GPC5: variants seen among roughly 807,000 people sequenced by gnomAD.
GPC5 encodes the protein glypican-5.
GPC5 carries 47 observed loss-of-function variants against 53.9 expected under a neutral mutation model. The observed-to-expected ratio is 0.87, with a 90% confidence interval of 0.69 to 1.11. The LOEUF (loss-of-function observed/expected upper bound fraction) is 1.11. Among genes scored for constraint, GPC5 ranks in the 50% most tolerant of loss-of-function variants. The pLI, the probability that GPC5 is intolerant of heterozygous loss-of-function variation, is 0.00. For missense variants in GPC5, 748 were observed against 713.1 expected (o/e 1.05, Z -0.56); for synonymous variants, 286 against 263.3 (o/e 1.09, Z -0.84).
intron 7 of GPC5, among the ~76,000 whole-genome samples, chr13:92,684,295 G>A (rs1395240296): frequency 2.6e-5 from 4 of 151,426 alleles, no homozygotes; most frequent in Non-Finnish European, 5.9e-5. Context: ...TTTTGAGACG[G>A]AGTCTTGCTC....
chr13:92,443,065 G>A (rs1434602756), intron 7 of GPC5, among the ~76,000 whole-genome samples: 1 of 152,168 alleles, frequency 6.6e-6, no homozygotes, highest in East Asian at 1.9e-4. Context: ...AAGAAGCATG[G>A]CACCAGCATC....
intron 7 of GPC5, among the ~76,000 whole-genome samples, chr13:92,828,510 C>CT (rs559604285): frequency 1.1e-3 from 170 of 152,256 alleles, no homozygotes; most frequent in African/African-American, 3.9e-3. Flanking sequence ...ATATTTCGCA[C>CT]TTGTTCACTG....
chr13:92,352,824 T>G (rs912385273), intron 7 of GPC5, among the ~76,000 whole-genome samples: 4 of 152,308 alleles, frequency 2.6e-5, no homozygotes, highest in Admixed American at 2.0e-4. Context: ...ATTTATGCAC[T>G]TGAAAACCCA....
intron 2 of GPC5, among the ~76,000 whole-genome samples, chr13:91,644,403 A>T (rs1259063930): frequency 6.6e-6 from 1 of 152,220 alleles, no homozygotes; most frequent in African/African-American, 2.4e-5. Flanking sequence ...GTACAGCTTT[A>T]TGAAGAAACT....
intron 1 of GPC5, among the ~76,000 whole-genome samples, chr13:91,410,782 GTTCA>G (rs1268077497): frequency 6.6e-6 from 1 of 152,012 alleles, no homozygotes; most frequent in African/African-American, 2.4e-5. Context: ...ATTATTTGTA[GTTCA>G]TTCATATGGT....
chr13:91,533,400 G>C (rs181131085), intron 2 of GPC5, among the ~76,000 whole-genome samples: 21 of 152,036 alleles, frequency 1.4e-4, no homozygotes, highest in African/African-American at 5.1e-4. Flanking sequence ...GAATCACCTT[G>C]TATTAATATT....
At chr13:91,552,409 G>T (rs2030695077) in intron 2 of GPC5, among the ~76,000 whole-genome samples, 1 of 151,968 alleles carries the variant, frequency 6.6e-6, no homozygotes, top group African/African-American at 2.4e-5. Context: ...GGCGCTAGAG[G>T]AATTAAAGAC....
At chr13:92,440,534 C>T (rs1877505956) in intron 7 of GPC5, among the ~76,000 whole-genome samples, 1 of 152,130 alleles carries the variant, frequency 6.6e-6, no homozygotes, top group South Asian at 2.1e-4. Flanking sequence ...CCTGTCTTTG[C>T]TATTGTGAAC....
intron 4 of GPC5, among the ~76,000 whole-genome samples, chr13:91,736,469 A>G (rs569380375): frequency 4.0e-5 from 6 of 151,428 alleles, no homozygotes; most frequent in African/African-American, 1.2e-4. Context: ...CTGAATGTAG[A>G]TCTTTTTTTA....
intron 6 of GPC5, among the ~76,000 whole-genome samples, chr13:92,132,043 A>G (rs971240690): frequency 2.6e-5 from 4 of 152,152 alleles, no homozygotes; most frequent in African/African-American, 9.7e-5. Context: ...ATGTAAACAT[A>G]TTTTATTGGA....
chr13:92,563,126 C>G (rs1882749178), intron 7 of GPC5, among the ~76,000 whole-genome samples: 1 of 151,946 alleles, frequency 6.6e-6, no homozygotes, highest in Non-Finnish European at 1.5e-5. Flanking sequence ...AGCATATAGC[C>G]AGTAATAGTA....
chr13:91,416,386 G>A (rs74106728), intron 1 of GPC5, among the ~76,000 whole-genome samples: 8,498 of 152,160 alleles, frequency 0.056, 292 homozygotes, highest in African/African-American at 0.085. Flanking sequence ...CATGTTTCTT[G>A]AAGAGTCACA....
intron 7 of GPC5, among the ~76,000 whole-genome samples, chr13:92,426,309 C>G (rs926480731): frequency 6.6e-5 from 10 of 152,040 alleles, no homozygotes; most frequent in Non-Finnish European, 1.0e-4. Context: ...CTCATTCTTA[C>G]CCTTTCTACA....
At chr13:92,793,272 C>T (rs1384100632) in intron 7 of GPC5, among the ~76,000 whole-genome samples, 5 of 152,132 alleles carry the variant, frequency 3.3e-5, no homozygotes, top group African/African-American at 1.2e-4. Context: ...GAACCACCTG[C>T]TCCTGAATGA....
intron 7 of GPC5, among the ~76,000 whole-genome samples, chr13:92,245,036 TGA>T (rs2042640145): frequency 1.4e-5 from 1 of 74,012 alleles, no homozygotes; most frequent in Non-Finnish European, 2.4e-5. Context: ...AGACTCCATC[TGA>T]AAAAAAAAAA....
At chr13:92,471,626 A>G (rs1361281138) in intron 7 of GPC5, among the ~76,000 whole-genome samples, 2 of 152,134 alleles carry the variant, frequency 1.3e-5, no homozygotes, top group South Asian at 2.1e-4. Context: ...ATAAATACAC[A>G]TATACATATA....
chr13:91,709,415 G>T (rs1178216581), intron 3 of GPC5, among the ~76,000 whole-genome samples: 1 of 152,074 alleles, frequency 6.6e-6, no homozygotes, highest in Non-Finnish European at 1.5e-5. Flanking sequence ...CCTTGCTCTA[G>T]CTATGCTGGA....
intron 7 of GPC5, among the ~76,000 whole-genome samples, chr13:92,582,044 T>A (rs1441256851): frequency 6.6e-6 from 1 of 152,146 alleles, no homozygotes; most frequent in Non-Finnish European, 1.5e-5. Flanking sequence ...ATGCAGAAGC[T>A]TTTTAGTTTG....
chr13:91,508,759 T>C (rs1346994451), intron 2 of GPC5, among the ~76,000 whole-genome samples: 1 of 152,130 alleles, frequency 6.6e-6, no homozygotes, highest in Non-Finnish European at 1.5e-5. Context: ...AAAAGTAACA[T>C]AAAAATATAA....
Sources: gnomAD v4.1 joint callset for allele counts (sites outside exome capture counted in the v4.1 genomes callset) on GRCh38, gnomAD v4.1.1 for gene constraint, MANE v1.5 for transcripts, NCBI Gene and HGNC (gene_info 2026-07-23, HGNC 2026-07-21) for gene names.